PLXDC2: variants seen among roughly 807,000 people sequenced by gnomAD.
PLXDC2 encodes plexin domain-containing protein 2.
A neutral mutation model predicts 68.9 loss-of-function variants in PLXDC2; 40 were observed. The observed-to-expected ratio is 0.58, with a 90% confidence interval of 0.45 to 0.76. The LOEUF is 0.76. Ranked by LOEUF, PLXDC2 falls within the 30% of genes least tolerant of loss-of-function variation. The pLI is 0.00. For missense variants in PLXDC2, 644 were observed against 661.9 expected (o/e 0.97, Z 0.30); for synonymous variants, 243 against 234.2 (o/e 1.04, Z -0.34).
intron 13 of PLXDC2, among the ~76,000 whole-genome samples, chr10:20,251,494 T>C (rs1835674762): frequency 6.6e-6 from 1 of 152,146 alleles, no homozygotes; most frequent in African/African-American, 2.4e-5. Flanking sequence ...TAATGATTGT[T>C]CAACATTGCT....
chr10:19,842,196 A>C (rs1397835689), intron 1 of PLXDC2, among the ~76,000 whole-genome samples: 2 of 152,102 alleles, frequency 1.3e-5, no homozygotes, highest in Admixed American at 6.6e-5. Context: ...GACAAGGAGA[A>C]TAAATGATAA....
At chr10:20,219,246 G>T in intron 12 of PLXDC2, 144 bp downstream of exon 12, 6 of 853,394 alleles carry the variant, frequency 7.0e-6, no homozygotes, top group Non-Finnish European at 1.0e-5. Context: ...ATGGGAAGGA[G>T]TCAGTGGGTT....
At chr10:20,256,981 T>TA (rs1486324484) in intron 13 of PLXDC2, among the ~76,000 whole-genome samples, 14 of 152,222 alleles carry the variant, frequency 9.2e-5, no homozygotes, top group Non-Finnish European at 2.1e-4. Flanking sequence ...TAGAGGATCG[T>TA]AGCCTCAACT....
intron 1 of PLXDC2, among the ~76,000 whole-genome samples, chr10:19,980,212 A>G (rs1834529817): frequency 6.6e-6 from 1 of 152,242 alleles, no homozygotes; most frequent in Admixed American, 6.5e-5. Flanking sequence ...TTATGCTTAA[A>G]TGAATGGATC....
intron 7 of PLXDC2, among the ~76,000 whole-genome samples, chr10:20,175,320 G>A (rs769671126): frequency 4.6e-5 from 7 of 152,148 alleles, no homozygotes; most frequent in Non-Finnish European, 1.0e-4. Flanking sequence ...TAGCAAAGGA[G>A]CCTGAGGCAA....
intron 1 of PLXDC2, among the ~76,000 whole-genome samples, chr10:19,944,425 G>C (rs569179935): frequency 5.7e-4 from 86 of 149,942 alleles, no homozygotes; most frequent in African/African-American, 2.0e-3. Flanking sequence ...AAAAAAAAAA[G>C]ATGTCTGCAT....
intron 1 of PLXDC2, among the ~76,000 whole-genome samples, chr10:19,914,536 A>G (rs930996100): frequency 4.6e-5 from 7 of 152,230 alleles, no homozygotes; most frequent in African/African-American, 1.2e-4. Context: ...TTGAAACGTT[A>G]AAGTTACTTC....
chr10:19,896,087 T>G (rs2131363747), intron 1 of PLXDC2, among the ~76,000 whole-genome samples: 1 of 152,242 alleles, frequency 6.6e-6, no homozygotes, highest in South Asian at 2.1e-4. Flanking sequence ...GGTATCCAAC[T>G]CCTCTTCTCT....
In PLXDC2 at chr10:20,006,180, G is replaced by GA. The variant is rs113606782; in HGVS notation, c.324+4204dup. Among the ~76,000 whole-genome samples the GA allele has an allele frequency of 1.0e-3, 146 of 145,444 alleles. 2 individuals are homozygous for GA. The highest frequency in any genetic ancestry group is 6.2e-4 in the Admixed American group (9 of 14,618). On this transcript the variant is annotated intron_variant, in intron 2 of 13. Transcript: ENST00000377252. Reference sequence around the variant, plus strand: ...GGCAACAGAGCGAGACTCAGTCTAAGAAAAAAAAAAGGTAAAAAAGGCATT... The same window carrying GA: ...GGCAACAGAGCGAGACTCAGTCTAAGAAAAAAAAAAAGGTAAAAAAGGCATT...
intron 6 of PLXDC2, among the ~76,000 whole-genome samples, chr10:20,158,673 G>GTAAATAAA (rs34641917): frequency 0.014 from 2,128 of 148,472 alleles, 26 homozygotes; most frequent in Middle Eastern, 0.035. Context: ...AAATAAATAA[G>GTAAATAAA]TAAATAAATA....
chr10:20,065,011 T>C (rs143868542), intron 3 of PLXDC2, among the ~76,000 whole-genome samples: 91 of 152,298 alleles, frequency 6.0e-4, no homozygotes, highest in African/African-American at 2.1e-3. Flanking sequence ...TTTTTCTCTT[T>C]TCCTTGTCTC....
At chr10:19,948,891 T>C (rs2131404716) in intron 1 of PLXDC2, among the ~76,000 whole-genome samples, 1 of 152,072 alleles carries the variant, frequency 6.6e-6, no homozygotes, top group Non-Finnish European at 1.5e-5. Flanking sequence ...ACGTCTGTAA[T>C]CCCAGCACTT....
chr10:19,865,859 T>C (rs191407586), intron 1 of PLXDC2, among the ~76,000 whole-genome samples: 22 of 152,322 alleles, frequency 1.4e-4, no homozygotes, highest in Admixed American at 1.2e-3. Flanking sequence ...GATGAACACC[T>C]ACAATATGAT....
intron 1 of PLXDC2, among the ~76,000 whole-genome samples, chr10:19,841,537 GTTTTT>G (rs34818991): frequency 7.9e-6 from 1 of 127,166 alleles, no homozygotes; most frequent in Non-Finnish European, 1.7e-5. Flanking sequence ...GTGTTTCAGG[GTTTTT>G]TTTTTTTTTT....
At chr10:19,903,623 A>G (rs1838194450) in intron 1 of PLXDC2, among the ~76,000 whole-genome samples, 1 of 149,120 alleles carries the variant, frequency 6.7e-6, no homozygotes, top group African/African-American at 2.5e-5. Flanking sequence ...TCAATGAACC[A>G]GTTTCTTTTG....
At chr10:19,998,282 T>C (rs1834874190) in intron 1 of PLXDC2, among the ~76,000 whole-genome samples, 1 of 152,224 alleles carries the variant, frequency 6.6e-6, no homozygotes, top group South Asian at 2.1e-4. Flanking sequence ...AGGAGTAATT[T>C]ACAATATAGA....
rs536893742 is a variant in PLXDC2 at position 20,172,877 on chromosome 10, G to A, written c.884-4122G>A. ...TAAAAGGCTTAAATTAGCATTTCAC[G>A]CTCAACTAAGGTTTATGTTTTATTG... On this transcript the variant is annotated intron_variant, in intron 7 of 13. Transcript: ENST00000377252. 9.2e-5 allele frequency among the ~76,000 whole-genome samples: 14 copies of A among 152,258 alleles called. No homozygotes were observed. In the South Asian group the frequency reaches 1.0e-3, roughly 11 times the overall value.
intron 1 of PLXDC2, among the ~76,000 whole-genome samples, chr10:19,939,410 G>A (rs1833779307): frequency 6.6e-6 from 1 of 152,090 alleles, no homozygotes; most frequent in Non-Finnish European, 1.5e-5. Context: ...AGTTATATCT[G>A]CCAATAAGGG....
intron 4 of PLXDC2, among the ~76,000 whole-genome samples, chr10:20,117,952 A>T (rs1056645250): frequency 6.6e-6 from 1 of 152,230 alleles, no homozygotes; most frequent in Non-Finnish European, 1.5e-5. Flanking sequence ...ACTGCAGTTC[A>T]GATTTAAAGA....
Sources: allele counts gnomAD v4.1 joint callset (sites outside exome capture counted in the v4.1 genomes callset), GRCh38; gene constraint gnomAD v4.1.1; transcripts MANE v1.5; gene names NCBI Gene and HGNC (gene_info 2026-07-23, HGNC 2026-07-21).